The following MEIS2 variants were observed in gnomAD, a reference collection of about 807,000 sequenced individuals.
MEIS2 encodes Meis homeobox 2, also known as homeobox protein Meis2.
A neutral mutation model predicts 58.6 loss-of-function variants in MEIS2; 9 were observed. The ratio of observed to expected loss-of-function variants is 0.15; its 90% CI spans 0.09 to 0.27. The LOEUF is 0.27. Among genes scored for constraint, MEIS2 ranks in the 10% least tolerant of loss-of-function variants. The probability of loss-of-function intolerance (pLI) is 1.00; values close to 1 mark genes in which losing one functional copy is unlikely to be tolerated. For missense variants in MEIS2, 427 were observed against 635.0 expected (o/e 0.67, Z 3.52); for synonymous variants, 221 against 228.4 (o/e 0.97, Z 0.29).
At chr15:37,028,929 T>C (rs1399160318) in intron 8 of MEIS2, among the ~76,000 whole-genome samples, 1 of 131,328 alleles carries the variant, frequency 7.6e-6, no homozygotes, top group African/African-American at 2.9e-5. Flanking sequence ...CATTATGAAA[T>C]AGGAAGAACA....
intron 6 of MEIS2, among the ~76,000 whole-genome samples, chr15:37,085,632 A>G (rs961299445): frequency 2.0e-5 from 3 of 152,248 alleles, no homozygotes; most frequent in African/African-American, 7.2e-5. Context: ...ATTGATTCAA[A>G]GTGAAAACCC....
intron 8 of MEIS2, among the ~76,000 whole-genome samples, chr15:36,966,630 A>G (rs2059367712): frequency 6.6e-6 from 1 of 152,220 alleles, no homozygotes; most frequent in Admixed American, 6.5e-5. Context: ...TTAATTGACC[A>G]AATGGATATT....
chr15:37,025,286 A>G (rs1595952086), intron 8 of MEIS2, among the ~76,000 whole-genome samples: 1 of 152,216 alleles, frequency 6.6e-6, no homozygotes, highest in Admixed American at 6.5e-5. Context: ...CTAACCCTCA[A>G]AACAATGAGG....
intron 9 of MEIS2, among the ~76,000 whole-genome samples, chr15:36,908,274 T>C (rs1245003883): frequency 6.6e-6 from 1 of 152,206 alleles, no homozygotes; most frequent in African/African-American, 2.4e-5. Context: ...CCCCCAAAAT[T>C]TTCGGCATCA....
intron 8 of MEIS2, among the ~76,000 whole-genome samples, chr15:36,990,952 A>C (rs1179478597): frequency 6.6e-6 from 1 of 152,174 alleles, no homozygotes; most frequent in Non-Finnish European, 1.5e-5. Flanking sequence ...GAAATGAATA[A>C]ATGAATGTGA....
chr15:36,996,010 T>TAC (rs2060502168), intron 8 of MEIS2, among the ~76,000 whole-genome samples: 1 of 124,390 alleles, frequency 8.0e-6, no homozygotes, highest in Non-Finnish European at 1.7e-5. Flanking sequence ...TATGTATATA[T>TAC]ATATACATAT....
At chr15:36,986,809 A>G (rs1007657785) in intron 8 of MEIS2, among the ~76,000 whole-genome samples, 1 of 152,194 alleles carries the variant, frequency 6.6e-6, no homozygotes, top group African/African-American at 2.4e-5. Flanking sequence ...TTGCTTTTTA[A>G]GATTACTAAT....
intron 9 of MEIS2, among the ~76,000 whole-genome samples, chr15:36,944,206 A>G (rs957760667): frequency 6.6e-6 from 1 of 152,082 alleles, no homozygotes; most frequent in Non-Finnish European, 1.5e-5. Context: ...ACAGAGCAAA[A>G]TGAAACCCAC....
intron 8 of MEIS2, among the ~76,000 whole-genome samples, chr15:37,031,146 T>C (rs180904245): frequency 5.3e-5 from 8 of 152,276 alleles, no homozygotes; most frequent in Admixed American, 2.6e-4. Context: ...TTTCACTTAA[T>C]CCTTAAAATA....
intron 9 of MEIS2, among the ~76,000 whole-genome samples, chr15:36,930,237 A>G (rs1719904): frequency 0.096 from 14,517 of 150,874 alleles, 806 homozygotes; most frequent in East Asian, 0.2. Context: ...GAGAGAGAAA[A>G]AAAAAGTTAT....
intron 8 of MEIS2, among the ~76,000 whole-genome samples, chr15:37,029,630 C>T (rs955036725): frequency 1.1e-4 from 17 of 152,150 alleles, no homozygotes; most frequent in African/African-American, 2.2e-4. Flanking sequence ...AAGCTCTGAG[C>T]GGCTTCAAGC....
At chr15:37,098,671 A>C in intron 1 of MEIS2, 1 of 194,512 alleles carries the variant, frequency 5.1e-6, no homozygotes, top group Non-Finnish European at 9.4e-6. Flanking sequence ...GTAGCGAGCC[A>C]ACGGAGGGAG....
At chr15:37,001,459 A>C (rs530628600) in intron 8 of MEIS2, among the ~76,000 whole-genome samples, 1 of 152,258 alleles carries the variant, frequency 6.6e-6, no homozygotes, top group African/African-American at 2.4e-5. Flanking sequence ...TGTTTTATTT[A>C]TTTGAATAGT....
intron 3 of MEIS2, 59 bp downstream of exon 3, chr15:37,096,230 A>T: frequency 1.3e-6 from 2 of 1,494,544 alleles, no homozygotes; most frequent in Non-Finnish European, 1.8e-6. Flanking sequence ...TAAAGCTCCG[A>T]GGAAAGGGGA....
At chr15:37,058,003 C>T (rs1888673334) in intron 7 of MEIS2, among the ~76,000 whole-genome samples, 2 of 152,006 alleles carry the variant, frequency 1.3e-5, no homozygotes, top group South Asian at 2.1e-4. Flanking sequence ...TCACATGTAC[C>T]GGGGATCAAT....
intron 6 of MEIS2, among the ~76,000 whole-genome samples, chr15:37,085,224 T>G (rs1192274440): frequency 6.6e-6 from 1 of 152,152 alleles, no homozygotes; most frequent in Non-Finnish European, 1.5e-5. Context: ...ACACTGTTTC[T>G]TACTAGAATT....
chr15:36,971,537 T>TAAAAA lies in MEIS2; in HGVS notation c.901-21142_901-21138dup, dbSNP rs71126247. ...GTATTACTTGTATGCCTTGTTACAT[T>TAAAAA]AAAAAAAAAAAAAAAAAAAAAAAAA... On this transcript the variant is annotated intron_variant, in intron 8 of 11. Coordinates refer to ENST00000561208, the MANE Select transcript of MEIS2 (RefSeq NM_170675.5). Among the ~76,000 whole-genome samples the TAAAAA allele has an allele frequency of 5.8e-4, 39 of 67,110 alleles. 3 individuals are homozygous for TAAAAA. Among genetic ancestry groups the TAAAAA allele is most frequent in the African/African-American group, 2.8e-3 (39 of 14,168 alleles). 44.0% of individuals were successfully genotyped at this position (67,110 alleles called of 152,430 possible). A position where few individuals can be genotyped will look rare whatever the true frequency, so the allele number is the denominator to read the frequency against.
chr15:36,966,663 A>G (rs2059368877), intron 8 of MEIS2, among the ~76,000 whole-genome samples: 1 of 152,218 alleles, frequency 6.6e-6, no homozygotes, highest in African/African-American at 2.4e-5. Flanking sequence ...CTGTTACAGG[A>G]GAGAAAAATC....
chr15:36,969,081 G>A (rs2059449057), intron 8 of MEIS2, among the ~76,000 whole-genome samples: 1 of 152,196 alleles, frequency 6.6e-6, no homozygotes, highest in Non-Finnish European at 1.5e-5. Flanking sequence ...TACTTGTTAA[G>A]TGGTAGCAAG....
Sources: allele counts gnomAD v4.1 joint callset (sites outside exome capture counted in the v4.1 genomes callset), GRCh38; gene constraint gnomAD v4.1.1; transcripts MANE v1.5; gene names NCBI Gene and HGNC (gene_info 2026-07-23, HGNC 2026-07-21).